DCTN4: variants seen among roughly 807,000 people sequenced by gnomAD.
DCTN4 encodes dynactin 4 (p62).
DCTN4 carries 23 observed loss-of-function variants against 62.7 expected under a neutral mutation model. The ratio of observed to expected loss-of-function variants is 0.37; its 90% CI spans 0.26 to 0.52. The LOEUF (loss-of-function observed/expected upper bound fraction) is 0.52, where lower values mean the gene tolerates loss of function less well. DCTN4 is among the 20% of genes least tolerant of loss of function. DCTN4 has a pLI of 0.92. For synonymous variants in DCTN4, 199 were observed against 202.1 expected (o/e 0.98, Z 0.13); for missense variants, 514 against 580.4 (o/e 0.89, Z 1.18).
intron 8 of DCTN4, among the ~76,000 whole-genome samples, chr5:150,729,444 G>A (rs1441083894): frequency 2.6e-5 from 4 of 151,728 alleles, no homozygotes; most frequent in Admixed American, 2.6e-4. Flanking sequence ...GGCCAATCTT[G>A]TTTCATTTAT....
Position 150,731,975 on chromosome 5 carries a change from G to T in DCTN4, c.538-486C>A. On this transcript the variant is annotated intron_variant, in intron 5 of 12. Coordinates refer to ENST00000447998, the MANE Select transcript of DCTN4 (RefSeq NM_016221.4). ...AATGCAGCATAAGATAGAAGCAAAC[G>T]CATATAGCAGGCAGGTTATATGGGA... 2.2e-6 allele frequency: 3 copies of T among 1,351,904 alleles called. No homozygotes were observed. The Admixed American group carries it at 5.9e-5, about 27-fold the overall frequency. 83.7% of individuals were successfully genotyped at this position (1,351,904 alleles called of 1,614,324 possible). A position where few individuals can be genotyped will look rare whatever the true frequency, so the allele number is the denominator to read the frequency against.
intron 1 of DCTN4, 88 bp from the exon 2 acceptor site, chr5:150,756,575 T>A: frequency 6.8e-6 from 5 of 734,068 alleles, no homozygotes; most frequent in Non-Finnish European, 1.1e-5. Flanking sequence ...AATTTTAAAA[T>A]ATGTTATACT....
intron 8 of DCTN4, among the ~76,000 whole-genome samples, chr5:150,725,190 A>G (rs1032504560): frequency 1.3e-5 from 2 of 150,616 alleles, no homozygotes; most frequent in African/African-American, 4.9e-5. Context: ...AGTATCCCAT[A>G]TTAACACATT....
chr5:150,719,670 T>C, intron 10 of DCTN4, 46 bp downstream of exon 10: 1 of 1,385,892 alleles, frequency 7.2e-7, no homozygotes, highest in Non-Finnish European at 1.0e-6. Context: ...TGTACACACA[T>C]CATTGATCAA....
Position 150,730,614 on chromosome 5 carries a change from C to G in DCTN4, c.834+17G>C. On this transcript the variant is annotated intron_variant, in intron 8 of 12. Coordinates refer to ENST00000447998, the MANE Select transcript of DCTN4 (RefSeq NM_016221.4). ...TCCTCTTGTACAAATGGTCAGTCTA[C>G]AGAATGGAATACTTACACGGCAGCG... 6.2e-7 allele frequency: 1 copy of G among 1,608,708 alleles called. No homozygotes were observed. The highest frequency in any genetic ancestry group is 8.5e-7 in the Non-Finnish European group (1 of 1,175,492).
At chr5:150,719,610 T>C in intron 10 of DCTN4, 106 bp downstream of exon 10, 4 of 787,354 alleles carry the variant, frequency 5.1e-6, no homozygotes, top group Non-Finnish European at 8.7e-6. Context: ...TTTCTATCCC[T>C]TGCTCACTGG....
At chr5:150,744,137 A>T (rs995947561) in intron 3 of DCTN4, among the ~76,000 whole-genome samples, 16 of 152,260 alleles carry the variant, frequency 1.1e-4, no homozygotes, top group Non-Finnish European at 1.6e-4. Flanking sequence ...GAACTACATG[A>T]AGAATGCAGA....
chr5:150,721,239 C>T (rs1189409472), intron 9 of DCTN4, among the ~76,000 whole-genome samples: 1 of 152,178 alleles, frequency 6.6e-6, no homozygotes, highest in Non-Finnish European at 1.5e-5. Context: ...TAATATTCTA[C>T]AGTACAAGTT....
Position 150,719,741 on chromosome 5 carries a change from G to T in DCTN4, c.938C>A (p.Ser313Ter). 6.2e-7 allele frequency: 1 copy of T among 1,610,764 alleles called. No individual in the cohort carries two copies. Among genetic ancestry groups the T allele is most frequent in the Non-Finnish European group, 8.5e-7 (1 of 1,177,638 alleles). ...VNYIPEVRIM[S>*]IPNLRYMKES... is the part of the protein sequence containing the mutation. The stretch of plus-strand genomic sequence containing the variant: ...CTTCATGTAGCGAAGGTTGGGAATT[G>T]ACATGATTCTCACTTCTGGAATATA... Residue 313 changes from serine to a stop codon, truncating the protein, a stop_gained, in exon 10 of 13, where the codon TCA (serine) becomes TAA (stop). Coordinates refer to ENST00000447998, the MANE Select transcript of DCTN4 (RefSeq NM_016221.4). LOFTEE classifies it high-confidence loss of function.
chr5:150,722,839 C>A, intron 9 of DCTN4, 68 bp downstream of exon 9: 1 of 1,184,890 alleles, frequency 8.4e-7, no homozygotes, highest in Non-Finnish European at 1.2e-6. Context: ...ACACTTCATA[C>A]TGGGGAAGAA....
chr5:150,729,219 T>C (rs1418821214), intron 8 of DCTN4, among the ~76,000 whole-genome samples: 1 of 151,850 alleles, frequency 6.6e-6, no homozygotes, highest in Non-Finnish European at 1.5e-5. Context: ...AATGTTCCTT[T>C]GCCCCTTCTT....
At chr5:150,736,699 A>G (rs1244552387) in intron 4 of DCTN4, among the ~76,000 whole-genome samples, 1 of 152,082 alleles carries the variant, frequency 6.6e-6, no homozygotes, top group Admixed American at 6.6e-5. Context: ...CAATAACACA[A>G]TGAAAAAAAA....
chr5:150,731,381 T>C (rs377033696), intron 6 of DCTN4, 35 bp downstream of exon 6: 63 of 1,538,316 alleles, frequency 4.1e-5, no homozygotes, highest in Non-Finnish European at 5.7e-5. Flanking sequence ...TGATACCTGC[T>C]GTTCTCCTCA....
At chr5:150,741,919 C>A (rs1020848307) in intron 4 of DCTN4, among the ~76,000 whole-genome samples, 195 bp downstream of exon 4, 4 of 152,182 alleles carry the variant, frequency 2.6e-5, no homozygotes, top group African/African-American at 9.7e-5. Context: ...ACCTAGGATT[C>A]TCCATTATCT....
At chr5:150,733,977 G>C (rs1760481229) in intron 4 of DCTN4, 1 of 152,650 alleles carries the variant, frequency 6.6e-6, no homozygotes, top group Admixed American at 6.5e-5. Flanking sequence ...GATCACTTGG[G>C]GCCAGGAGTT....
chr5:150,736,398 T>C (rs1760583656), intron 4 of DCTN4: 1 of 152,226 alleles, frequency 6.6e-6, no homozygotes, highest in Admixed American at 6.5e-5. Flanking sequence ...CCTATCAGGT[T>C]AACAGCAGAT....
At chr5:150,717,011 G>GA (rs1246681728) in intron 11 of DCTN4, among the ~76,000 whole-genome samples, 88 of 134,550 alleles carry the variant, frequency 6.5e-4, no homozygotes, top group East Asian at 1.3e-3. Flanking sequence ...AAAAGCAGAA[G>GA]AAAAAAAAAA....
intron 9 of DCTN4, among the ~76,000 whole-genome samples, chr5:150,721,426 G>A (rs1302687408): frequency 2.6e-5 from 4 of 152,098 alleles, no homozygotes; most frequent in African/African-American, 9.7e-5. Context: ...AAACAGTACT[G>A]TTGGGTTAAA....
chr5:150,736,335 A>G (rs1201504510), intron 4 of DCTN4: 2 of 152,216 alleles, frequency 1.3e-5, no homozygotes, highest in Non-Finnish European at 2.9e-5. Context: ...AAGACAAAGG[A>G]AAGAATCTTA....
Sources: allele counts gnomAD v4.1 joint callset (sites outside exome capture counted in the v4.1 genomes callset), GRCh38; gene constraint gnomAD v4.1.1; transcripts MANE v1.5; gene names NCBI Gene and HGNC (gene_info 2026-07-23, HGNC 2026-07-21).